PRKDC: variants seen among roughly 807,000 people sequenced by gnomAD.
PRKDC encodes DNA-dependent protein kinase catalytic subunit.
In PRKDC, 82 loss-of-function variants were observed where a neutral mutation model predicts 486.9. That is an observed-to-expected ratio of 0.17 (90% CI 0.14 to 0.20). The LOEUF is 0.20. PRKDC is among the 10% of genes least tolerant of loss of function. PRKDC has a pLI of 1.00. For missense variants in PRKDC, 4,504 were observed against 5,038.2 expected (o/e 0.89, Z 3.21); for synonymous variants, 1,895 against 1,837.0 (o/e 1.03, Z -0.81).
intron 40 of PRKDC, among the ~76,000 whole-genome samples, chr8:47,874,070 G>C (rs1589757594): frequency 6.7e-6 from 1 of 149,840 alleles, no homozygotes; most frequent in African/African-American, 2.5e-5. Context: ...CAGCCTCCCG[G>C]GTAGCTGGGA....
chr8:47,808,195 G>A (rs1410028836), intron 68 of PRKDC, among the ~76,000 whole-genome samples: 1 of 152,146 alleles, frequency 6.6e-6, no homozygotes, highest in Non-Finnish European at 1.5e-5. Flanking sequence ...ATGTTGGAGT[G>A]TAGTGGTGCA....
At chr8:47,900,514 A>T (rs528780406) in intron 27 of PRKDC, 47 bp from the exon 28 acceptor site, 7 of 1,460,642 alleles carry the variant, frequency 4.8e-6, no homozygotes, top group Non-Finnish European at 6.6e-6. Flanking sequence ...ACAATAAAGC[A>T]GAAAGGACAA....
At chr8:47,954,038 G>T in intron 5 of PRKDC, 119 bp from the exon 6 acceptor site, 1 of 595,500 alleles carries the variant, frequency 1.7e-6, no homozygotes, top group Non-Finnish European at 2.8e-6. Context: ...TACAGTAAGA[G>T]ATATAAAATA....
At chr8:47,926,864 G>T in intron 21 of PRKDC, 1 of 182,116 alleles carries the variant, frequency 5.5e-6, no homozygotes. Context: ...TTTAATTCCT[G>T]ACTGATTTAT....
Position 47,927,259 on chromosome 8 carries a change from A to G in PRKDC, c.2354T>C (p.Met785Thr), listed in dbSNP as rs1051659122. 2 of 1,613,830 alleles carry G rather than the reference A, an allele frequency of 1.2e-6. No homozygotes were observed. Among genetic ancestry groups the G allele is most frequent in the Non-Finnish European group, 1.7e-6 (2 of 1,179,756 alleles). ...GAGAATGTCTTTGTAATAAGGCTGC[A>G]TTACATGTCTGTCAATATAAATTGA... Reference protein sequence around the residue: ...EWSIYIDRHVMQPYYKDILPC... With the variant: ...EWSIYIDRHVTQPYYKDILPC... The change falls in exon 21 of 86, where the codon ATG (methionine) becomes ACG (threonine). Residue 785 changes from methionine to threonine, a missense_variant. Met to Thr is a moderately conservative substitution (Grantham distance 81). Coordinates refer to ENST00000314191, the MANE Select transcript of PRKDC (RefSeq NM_006904.7).
chr8:47,849,783 G>A (rs1301938774), intron 52 of PRKDC, among the ~76,000 whole-genome samples: 2 of 151,180 alleles, frequency 1.3e-5, no homozygotes, highest in African/African-American at 4.9e-5. Context: ...TCGTGTAGAT[G>A]TCAGATCAAT....
intron 61 of PRKDC, among the ~76,000 whole-genome samples, chr8:47,828,819 T>TTA (rs2087798021): frequency 6.6e-6 from 1 of 152,220 alleles, no homozygotes; most frequent in South Asian, 2.1e-4. Context: ...ACTGATGAGC[T>TTA]TAAATAAAAT....
At chr8:47,898,838 C>A (rs1408099736) in intron 28 of PRKDC, among the ~76,000 whole-genome samples, 2 of 152,216 alleles carry the variant, frequency 1.3e-5, no homozygotes, top group Non-Finnish European at 2.9e-5. Flanking sequence ...CAATGCCATA[C>A]CTAACTAGAA....
At chr8:47,801,069 GTTTTC>G (rs1312260096) in intron 70 of PRKDC, 83 bp from the exon 71 acceptor site, 23 of 1,348,126 alleles carry the variant, frequency 1.7e-5, no homozygotes, top group African/African-American at 1.6e-4. Flanking sequence ...GTCTATAGAA[GTTTTC>G]TTTTCTTTTG....
chr8:47,954,076 TAA>T (rs1384703606), intron 5 of PRKDC, among the ~76,000 whole-genome samples, 157 bp from the exon 6 acceptor site: 2 of 152,218 alleles, frequency 1.3e-5, no homozygotes, highest in African/African-American at 4.8e-5. Flanking sequence ...CATTCTTTCC[TAA>T]GTTTTATGCA....
chr8:47,863,641 A>G lies in PRKDC; in HGVS notation c.5572-64T>C, dbSNP rs796776466. 6.0e-6 allele frequency: 8 copies of G among 1,343,360 alleles called. No homozygotes were observed. The African/African-American group carries it at 1.1e-4, about 18-fold the overall frequency. The allele number at this position is 1,343,360 out of a possible 1,614,324, so 83.2% of individuals were successfully genotyped here. A position where few individuals can be genotyped will look rare whatever the true frequency, so the allele number is the denominator to read the frequency against. Reference sequence around the variant, plus strand: ...AAACATGAAATACATCTTATAGAATATATCAAATTTAATACTTAATATCCT... The same window carrying G: ...AAACATGAAATACATCTTATAGAATGTATCAAATTTAATACTTAATATCCT... On this transcript the variant is annotated intron_variant, in intron 41 of 85. Coordinates refer to ENST00000314191, the MANE Select transcript of PRKDC (RefSeq NM_006904.7).
chr8:47,872,501 T>TAAAA (rs748681244), intron 40 of PRKDC, among the ~76,000 whole-genome samples: 7 of 74,114 alleles, frequency 9.4e-5, no homozygotes, highest in South Asian at 3.7e-4. Context: ...TATAAAAAAG[T>TAAAA]AAAAAAAAAA....
chr8:47,909,311 T>C (rs570903246), intron 25 of PRKDC, among the ~76,000 whole-genome samples: 6 of 152,352 alleles, frequency 3.9e-5, no homozygotes, highest in African/African-American at 1.2e-4. Context: ...CACCTCTCTT[T>C]ACTGCAGTCT....
At chr8:47,929,558 CA>C (rs1199906911) in intron 18 of PRKDC, among the ~76,000 whole-genome samples, 1 of 152,206 alleles carries the variant, frequency 6.6e-6, no homozygotes, top group Non-Finnish European at 1.5e-5. Context: ...GACCTGCCCC[CA>C]AGGTTTGTGA....
At chr8:47,959,891 C>G (rs1761723617) in intron 1 of PRKDC, 82 bp downstream of exon 1, 1 of 1,500,028 alleles carries the variant, frequency 6.7e-7, no homozygotes, top group Non-Finnish European at 8.9e-7. Flanking sequence ...CATCTAAACA[C>G]AGAGAAGCGC....
At chr8:47,859,085 C>A in intron 46 of PRKDC, 99 bp from the exon 47 acceptor site, 2 of 1,272,106 alleles carry the variant, frequency 1.6e-6, no homozygotes, top group South Asian at 1.3e-5. Context: ...CAGCATATAA[C>A]AAACACTTAG....
At chr8:47,920,384 C>CTATA (rs1441930469) in intron 21 of PRKDC, among the ~76,000 whole-genome samples, 1 of 152,096 alleles carries the variant, frequency 6.6e-6, no homozygotes, top group African/African-American at 2.4e-5. Context: ...AAGTATGTGT[C>CTATA]TATAATTAAC....
chr8:47,779,874 C>A (rs897709840), intron 80 of PRKDC, among the ~76,000 whole-genome samples: 1 of 142,050 alleles, frequency 7.0e-6, no homozygotes, highest in Non-Finnish European at 1.5e-5. Flanking sequence ...AGGTGTGAGC[C>A]ACCACGCCTG....
intron 58 of PRKDC, among the ~76,000 whole-genome samples, chr8:47,835,841 CAGCCTTGAACTTCTGGGCTCG>C (rs1158989314): frequency 6.6e-6 from 1 of 151,714 alleles, no homozygotes; most frequent in African/African-American, 2.4e-5. Flanking sequence ...CAGATCACTG[CAGCCTTGAACTTCTGGGCTCG>C]AGCCATTCCC....
Sources: allele counts gnomAD v4.1 joint callset (sites outside exome capture counted in the v4.1 genomes callset), GRCh38; gene constraint gnomAD v4.1.1; transcripts MANE v1.5; gene names NCBI Gene and HGNC (gene_info 2026-07-23, HGNC 2026-07-21).